Variants in SGCZ observed in about 807,000 individuals in gnomAD.
SGCZ encodes the protein zeta-sarcoglycan.
SGCZ carries 40 observed loss-of-function variants against 41.3 expected under a neutral mutation model. That is an observed-to-expected ratio of 0.97 (90% CI 0.75 to 1.26). The LOEUF is 1.26. Ranked by LOEUF, SGCZ falls within the 50% of genes most tolerant of loss-of-function variation. SGCZ has a pLI of 0.00. For synonymous variants in SGCZ, 206 were observed against 137.5 expected (o/e 1.50, Z -3.49); for missense variants, 552 against 369.8 (o/e 1.49, Z -4.04).
At chr8:15,013,544 A>T (rs1585473053) in intron 1 of SGCZ, among the ~76,000 whole-genome samples, 1 of 152,088 alleles carries the variant, frequency 6.6e-6, no homozygotes, top group African/African-American at 2.4e-5. Context: ...TTATTCCTTC[A>T]GTGATTCCTC....
intron 1 of SGCZ, among the ~76,000 whole-genome samples, chr8:14,865,714 C>A (rs76450116): frequency 0.013 from 2,053 of 152,180 alleles, 55 homozygotes; most frequent in African/African-American, 0.047. Flanking sequence ...AAAACGGAAA[C>A]AGGATAAACT....
At chr8:14,978,728 CTG>C (rs1217164410) in intron 1 of SGCZ, among the ~76,000 whole-genome samples, 1 of 152,024 alleles carries the variant, frequency 6.6e-6, no homozygotes, top group Non-Finnish European at 1.5e-5. Context: ...GGTGGGCCAT[CTG>C]TATTTCTCAA....
At chr8:14,334,471 C>T (rs1428135422) in intron 2 of SGCZ, among the ~76,000 whole-genome samples, 1 of 152,060 alleles carries the variant, frequency 6.6e-6, no homozygotes, top group East Asian at 1.9e-4. Context: ...TTAGTCGGGG[C>T]AGGTACTACA....
chr8:14,196,862 T>C (rs771101799), intron 4 of SGCZ, among the ~76,000 whole-genome samples: 2 of 152,114 alleles, frequency 1.3e-5, no homozygotes, highest in Non-Finnish European at 2.9e-5. Context: ...ATTGAATACT[T>C]CAATATCAAA....
At chr8:15,004,364 G>A (rs1802526293) in intron 1 of SGCZ, among the ~76,000 whole-genome samples, 1 of 152,158 alleles carries the variant, frequency 6.6e-6, no homozygotes, top group African/African-American at 2.4e-5. Context: ...GATCCCGCAA[G>A]CCTAGGGTGG....
At chr8:14,098,363 A>G (rs996998757) in intron 7 of SGCZ, among the ~76,000 whole-genome samples, 1 of 152,172 alleles carries the variant, frequency 6.6e-6, no homozygotes. Flanking sequence ...AAACAACAAC[A>G]AAAACCCAAG....
chr8:14,813,471 CTGTT>C (rs1293187768), intron 1 of SGCZ, among the ~76,000 whole-genome samples: 7 of 152,194 alleles, frequency 4.6e-5, no homozygotes, highest in African/African-American at 9.6e-5. Flanking sequence ...TTACACAACT[CTGTT>C]TGGGGAAAAT....
intron 1 of SGCZ, among the ~76,000 whole-genome samples, chr8:14,685,250 A>T (rs2117553067): frequency 6.6e-6 from 1 of 152,250 alleles, no homozygotes; most frequent in East Asian, 1.9e-4. Flanking sequence ...TATATGAATA[A>T]AACAAACTTT....
chr8:14,290,520 G>A (rs920822885), intron 3 of SGCZ, among the ~76,000 whole-genome samples: 3 of 151,822 alleles, frequency 2.0e-5, no homozygotes, highest in Admixed American at 1.3e-4. Flanking sequence ...TTAAAAATGG[G>A]TCAAAAACCT....
Position 14,864,996 on chromosome 8 carries a change from T to C in SGCZ, c.40-310070A>G, listed in dbSNP as rs890877083. On this transcript the variant is annotated intron_variant, in intron 1 of 7. Coordinates refer to ENST00000382080, the MANE Select transcript of SGCZ (RefSeq NM_139167.4). The stretch of plus-strand genomic sequence containing the variant: ...ATCATTTGCTCAATTTTTAGCCCAT[T>C]ATTATTATTTTGCTGTTGAATTGAG... Among the ~76,000 whole-genome samples, 9 of 152,098 alleles carry C rather than the reference T, an allele frequency of 5.9e-5. No homozygotes were observed. The East Asian group carries it at 1.7e-3, about 29-fold the overall frequency.
At chr8:14,244,089 T>C (rs1288618298) in intron 3 of SGCZ, among the ~76,000 whole-genome samples, 1 of 152,204 alleles carries the variant, frequency 6.6e-6, no homozygotes, top group Admixed American at 6.5e-5. Context: ...TTAAGTGGAT[T>C]TGTGTTCAGA....
chr8:15,051,625 G>A (rs1012335443), intron 1 of SGCZ, among the ~76,000 whole-genome samples: 2 of 152,044 alleles, frequency 1.3e-5, no homozygotes, highest in Admixed American at 6.6e-5. Flanking sequence ...CTAGGAATAC[G>A]GAGAGTTTCA....
chr8:14,393,146 C>T (rs17119252), intron 2 of SGCZ, among the ~76,000 whole-genome samples: 53,449 of 151,818 alleles, frequency 0.35, 10,507 homozygotes, highest in African/African-American at 0.54. Flanking sequence ...TTGTCTGATA[C>T]GTATAAAGGA....
At chr8:14,403,425 T>C (rs1052611848) in intron 2 of SGCZ, among the ~76,000 whole-genome samples, 1 of 151,602 alleles carries the variant, frequency 6.6e-6, no homozygotes, top group East Asian at 1.9e-4. Flanking sequence ...TGGCTGTGGG[T>C]TTGTCATAGA....
At chr8:14,772,534 C>T (rs1800275704) in intron 1 of SGCZ, among the ~76,000 whole-genome samples, 1 of 150,082 alleles carries the variant, frequency 6.7e-6, no homozygotes, top group Admixed American at 6.7e-5. Context: ...CCCATTAACT[C>T]ATCATTTAGC....
At chr8:15,073,621 TTCAA>T (rs1238992910) in intron 1 of SGCZ, among the ~76,000 whole-genome samples, 4 of 152,166 alleles carry the variant, frequency 2.6e-5, no homozygotes, top group African/African-American at 9.7e-5. Context: ...GTGGGCCTTA[TTCAA>T]TCAGTTGAAG....
intron 1 of SGCZ, among the ~76,000 whole-genome samples, chr8:14,738,833 C>T (rs564584547): frequency 1.8e-4 from 27 of 152,018 alleles, no homozygotes; most frequent in African/African-American, 5.8e-4. Context: ...GAGAACGGGC[C>T]GCAGGACAGG....
At chr8:15,045,710 A>G (rs1219394409) in intron 1 of SGCZ, among the ~76,000 whole-genome samples, 2 of 152,220 alleles carry the variant, frequency 1.3e-5, no homozygotes, top group Admixed American at 1.3e-4. Flanking sequence ...GACAAAACAG[A>G]TTCTCTCATC....
intron 1 of SGCZ, among the ~76,000 whole-genome samples, chr8:14,575,120 A>G (rs913248270): frequency 6.6e-6 from 1 of 152,224 alleles, no homozygotes; most frequent in African/African-American, 2.4e-5. Flanking sequence ...ATGAAAATAA[A>G]TTTGTGTTCA....
Sources: gnomAD v4.1 joint callset for allele counts (sites outside exome capture counted in the v4.1 genomes callset) on GRCh38, gnomAD v4.1.1 for gene constraint, MANE v1.5 for transcripts, NCBI Gene and HGNC (gene_info 2026-07-23, HGNC 2026-07-21) for gene names.